Variants in CAPS2 observed in about 807,000 individuals in gnomAD.
CAPS2 encodes the protein calcyphosin-2.
Under a neutral mutation model 86.5 loss-of-function variants are expected in CAPS2, and 98 were observed. The ratio of observed to expected loss-of-function variants is 1.13; its 90% CI spans 0.96 to 1.34. The LOEUF (loss-of-function observed/expected upper bound fraction) is 1.34. Among genes scored for constraint, CAPS2 ranks in the 40% most tolerant of loss-of-function variants. CAPS2 has a pLI of 0.00. For missense variants in CAPS2, 729 were observed against 686.8 expected, an observed-to-expected ratio of 1.06 and a Z score of -0.69; for synonymous variants, 210 against 225.1, an observed-to-expected ratio of 0.93 and a Z score of 0.60.
chr12:75,374,321 C>G (rs1382465222), intron 1 of CAPS2, among the ~76,000 whole-genome samples: 1 of 152,196 alleles, frequency 6.6e-6, no homozygotes, highest in Non-Finnish European at 1.5e-5. Flanking sequence ...GAGTAACACA[C>G]CCAAATGAGG....
intron 4 of CAPS2, among the ~76,000 whole-genome samples, chr12:75,322,318 A>C (rs963771368): frequency 6.6e-6 from 1 of 152,116 alleles, no homozygotes; most frequent in South Asian, 2.1e-4. Flanking sequence ...ACAAGGGCAT[A>C]TTGTATTGAC....
chr12:75,312,493 C>G (rs143790670), intron 7 of CAPS2, among the ~76,000 whole-genome samples: 224 of 152,210 alleles, frequency 1.5e-3, no homozygotes, highest in African/African-American at 5.0e-3. Flanking sequence ...GGATTTGAGA[C>G]ACTGTGCAGT....
chr12:75,327,511 A>C (rs1324114572), upstream of CAPS2, among the ~76,000 whole-genome samples: 1 of 152,142 alleles, frequency 6.6e-6, no homozygotes, highest in East Asian at 1.9e-4. Flanking sequence ...TTACATTTAA[A>C]TATTTATCCA....
intron 1 of CAPS2, among the ~76,000 whole-genome samples, chr12:75,355,038 T>A (rs907334300): frequency 6.6e-6 from 1 of 151,718 alleles, no homozygotes; most frequent in African/African-American, 2.4e-5. Context: ...TAGAAGAAAA[T>A]CTAGGCAATA....
chr12:75,375,831 G>A (rs985708537), intron 1 of CAPS2, among the ~76,000 whole-genome samples: 9 of 152,172 alleles, frequency 5.9e-5, no homozygotes, highest in Admixed American at 3.9e-4. Context: ...ACGGTTGAGT[G>A]CCACTACTTG....
chr12:75,382,198 T>C (rs972409639), intron 1 of CAPS2, among the ~76,000 whole-genome samples: 25 of 152,224 alleles, frequency 1.6e-4, no homozygotes, highest in Admixed American at 1.6e-3. Context: ...TAATAACATC[T>C]ATACAGAGAA....
intron 1 of CAPS2, among the ~76,000 whole-genome samples, chr12:75,383,057 T>G (rs993234565): frequency 3.9e-5 from 6 of 152,336 alleles, no homozygotes; most frequent in Admixed American, 3.3e-4. Context: ...CAAACCTTAT[T>G]AGAAAATGTA....
chr12:75,352,343 G>T (rs764055557), intron 1 of CAPS2, among the ~76,000 whole-genome samples: 5 of 152,114 alleles, frequency 3.3e-5, no homozygotes, highest in Non-Finnish European at 5.9e-5. Context: ...AAAAAGCAGA[G>T]GTTGAAATCC....
intron 7 of CAPS2, among the ~76,000 whole-genome samples, chr12:75,312,155 G>A (rs190150288): frequency 6.6e-6 from 1 of 152,244 alleles, no homozygotes; most frequent in African/African-American, 2.4e-5. Flanking sequence ...AGTTTTCTAA[G>A]GGGTTTTAAA....
chr12:75,357,430 T>C (rs2043224378), intron 1 of CAPS2, among the ~76,000 whole-genome samples: 1 of 152,124 alleles, frequency 6.6e-6, no homozygotes, highest in Non-Finnish European at 1.5e-5. Flanking sequence ...GGTATTTCAA[T>C]TATCCCATTT....
intron 11 of CAPS2, chr12:75,298,458 G>T (rs908082768): frequency 2.0e-6 from 1 of 489,286 alleles, no homozygotes; most frequent in African/African-American, 1.9e-5. Flanking sequence ...GAATGGGAAG[G>T]GGGGTGTTAC....
At chr12:75,387,951 G>A (rs1269989588) in intron 1 of CAPS2, among the ~76,000 whole-genome samples, 1 of 152,198 alleles carries the variant, frequency 6.6e-6, no homozygotes, top group African/African-American at 2.4e-5. Flanking sequence ...GAAAACTTAT[G>A]TCTACACAGA....
chr12:75,279,875 A>G (rs1336638365), intron 16 of CAPS2, among the ~76,000 whole-genome samples: 2 of 152,046 alleles, frequency 1.3e-5, no homozygotes, highest in East Asian at 3.8e-4. Context: ...AGAAATTTCC[A>G]TCTTTGTTTA....
At chr12:75,345,915 T>C (rs994855454) in intron 1 of CAPS2, among the ~76,000 whole-genome samples, 1 of 152,218 alleles carries the variant, frequency 6.6e-6, no homozygotes, top group Non-Finnish European at 1.5e-5. Flanking sequence ...TATTGGCTAG[T>C]TTACACACAA....
intron 7 of CAPS2, among the ~76,000 whole-genome samples, chr12:75,311,314 C>T (rs1320969024): frequency 1.3e-5 from 2 of 151,998 alleles, no homozygotes; most frequent in Admixed American, 6.6e-5. Context: ...CAGGACTGAG[C>T]ATGTTTGTTG....
chr12:75,316,349 G>T (rs1319064765), exon 6 of CAPS2: 24 of 1,550,940 alleles, frequency 1.5e-5, no homozygotes, highest in Middle Eastern at 1.7e-4. Flanking sequence ...TTTATCGCAA[G>T]AGTTGTCTGC....
At chr12:75,287,115 A>C (rs2035018863) in intron 14 of CAPS2, among the ~76,000 whole-genome samples, 1 of 150,716 alleles carries the variant, frequency 6.6e-6, no homozygotes, top group African/African-American at 2.4e-5. Flanking sequence ...TATATATTAT[A>C]TATATATGTT....
chr12:75,330,430 G>A (rs2041205366), upstream of CAPS2, among the ~76,000 whole-genome samples: 1 of 152,246 alleles, frequency 6.6e-6, no homozygotes, highest in Admixed American at 6.5e-5. Flanking sequence ...CACGGCGGTT[G>A]TTGTGTAATT....
chr12:75,340,300 T>C (rs2042018454), intron 1 of CAPS2, among the ~76,000 whole-genome samples: 1 of 151,904 alleles, frequency 6.6e-6, no homozygotes, highest in African/African-American at 2.4e-5. Context: ...ACGACGTATT[T>C]TCCTCTGCGT....
Sources: gnomAD v4.1 joint callset for allele counts (sites outside exome capture counted in the v4.1 genomes callset) on GRCh38, gnomAD v4.1.1 for gene constraint, MANE v1.5 for transcripts, NCBI Gene and HGNC (gene_info 2026-07-23, HGNC 2026-07-21) for gene names.